The following DNAJC8 variants were observed in gnomAD, a reference collection of about 807,000 sequenced individuals.
DNAJC8 encodes dnaJ homolog subfamily C member 8.
A neutral mutation model predicts 43.2 loss-of-function variants in DNAJC8; 24 were observed. The ratio of observed to expected loss-of-function variants is 0.56; its 90% confidence interval spans 0.40 to 0.78. The LOEUF (loss-of-function observed/expected upper bound fraction) is 0.78. Among genes scored for constraint, DNAJC8 ranks in the 30% least tolerant of loss-of-function variants. DNAJC8 has a pLI of 0.00. For synonymous variants in DNAJC8, 83 were observed against 98.0 expected (o/e 0.85, Z 0.90); for missense variants, 207 against 299.4 (o/e 0.69, Z 2.28).
intron 1 of DNAJC8, among the ~76,000 whole-genome samples, chr1:28,230,496 T>C (rs1328419110): frequency 6.6e-6 from 1 of 152,192 alleles, no homozygotes; most frequent in Non-Finnish European, 1.5e-5. Context: ...GGCAGGAGGA[T>C]CACTTGGGTG....
chr1:28,212,174 T>A (rs1021989472), intron 3 of DNAJC8, among the ~76,000 whole-genome samples: 1,709 of 27,330 alleles, frequency 0.063, 83 homozygotes, highest in African/African-American at 0.16. Context: ...AATAAATATA[T>A]ATATATATAT....
At chr1:28,221,476 G>C (rs1646898024) in intron 2 of DNAJC8, among the ~76,000 whole-genome samples, 1 of 152,146 alleles carries the variant, frequency 6.6e-6, no homozygotes, top group Admixed American at 6.6e-5. Context: ...CCTATAGTGA[G>C]AACAAAGGCT....
chr1:28,220,290 A>G (rs892928633), intron 2 of DNAJC8, among the ~76,000 whole-genome samples: 2 of 152,238 alleles, frequency 1.3e-5, no homozygotes, highest in African/African-American at 4.8e-5. Flanking sequence ...CATGGTGAAG[A>G]CAATGGACTT....
chr1:28,202,585 TTTC>T lies in DNAJC8; in HGVS notation c.639+1159_639+1161del, dbSNP rs1251324395. The stretch of plus-strand genomic sequence containing the variant: ...TGAGCCACCTCACCCGGCCTTTTTT[TTTC>T]TTTTTTTTTTTTTTTTTGAGACGGC... On this transcript the variant is annotated intron_variant, in intron 8 of 8. Coordinates refer to ENST00000263697, the MANE Select transcript of DNAJC8 (RefSeq NM_014280.3). Among the ~76,000 whole-genome samples, 14 of 121,530 alleles carry T rather than the reference TTTC, an allele frequency of 1.2e-4. No individual in the cohort carries two copies. The East Asian group carries it at 2.1e-3, about 19-fold the overall frequency. The allele number at this position is 121,530 out of a possible 152,430, so 79.7% of individuals were successfully genotyped here. A position where few individuals can be genotyped will look rare whatever the true frequency, so the allele number is the denominator to read the frequency against.
intron 6 of DNAJC8, among the ~76,000 whole-genome samples, chr1:28,206,390 T>C (rs972903437): frequency 5.9e-5 from 9 of 151,626 alleles, no homozygotes; most frequent in African/African-American, 2.2e-4. Context: ...ACTTGGATTA[T>C]AGGTATGAGC....
At chr1:28,227,649 G>A (rs908144472) in intron 2 of DNAJC8, among the ~76,000 whole-genome samples, 1 of 152,024 alleles carries the variant, frequency 6.6e-6, no homozygotes, top group Non-Finnish European at 1.5e-5. Context: ...TCATATGCCT[G>A]TAATCCCATC....
In DNAJC8 at chr1:28,220,113, C is replaced by A. The variant is rs1646889008; in HGVS notation, c.181-5117G>T. On this transcript the variant is annotated intron_variant, in intron 2 of 8. Coordinates refer to ENST00000263697, the MANE Select transcript of DNAJC8 (RefSeq NM_014280.3). ...CAACACCTGGAGCTTACTTTCACCA[C>A]ATGATTGGGCAAAAAGGAGGAGAGT... 2.0e-5 allele frequency among the ~76,000 whole-genome samples: 3 copies of A among 152,310 alleles called. No individual in the cohort carries two copies. In the South Asian group the frequency reaches 6.2e-4, roughly 32 times the overall value.
chr1:28,203,611 G>A, intron 8 of DNAJC8, 136 bp downstream of exon 8: 1 of 839,534 alleles, frequency 1.2e-6, no homozygotes, highest in South Asian at 1.5e-5. Flanking sequence ...GGCAGGCCCA[G>A]CCTCATTCTT....
chr1:28,212,495 T>C lies in DNAJC8; in HGVS notation c.238-1858A>G, dbSNP rs1646822013. ...CGGGGTTTCACCATGTTGCCCAGGC[T>C]GGTCACGAACTCCTGAGCTCAAGCA... On this transcript the variant is annotated intron_variant, in intron 3 of 8. Transcript: ENST00000263697. Among the ~76,000 whole-genome samples the C allele has an allele frequency of 2.6e-5, 4 of 151,738 alleles. No individual in the cohort carries two copies. In the South Asian group the frequency reaches 8.3e-4, roughly 32 times the overall value.
At chr1:28,231,625 G>T (rs558028217) in intron 1 of DNAJC8, among the ~76,000 whole-genome samples, 1 of 151,902 alleles carries the variant, frequency 6.6e-6, no homozygotes, top group Non-Finnish European at 1.5e-5. Flanking sequence ...TGAGGCGAGA[G>T]AATCACTTGA....
At chr1:28,229,064 A>C in intron 1 of DNAJC8, 41 bp from the exon 2 acceptor site, 1 of 1,502,774 alleles carries the variant, frequency 6.7e-7, no homozygotes, top group Non-Finnish European at 9.2e-7. Context: ...ATAGAATTCA[A>C]TAACAAACTG....
intron 6 of DNAJC8, 35 bp downstream of exon 6, chr1:28,208,307 A>C: frequency 6.4e-7 from 1 of 1,561,150 alleles, no homozygotes; most frequent in Non-Finnish European, 8.7e-7. Flanking sequence ...ACACAATCAC[A>C]CAAGATACAG....
chr1:28,231,719 G>GA (rs113876916), intron 1 of DNAJC8, among the ~76,000 whole-genome samples: 75 of 143,872 alleles, frequency 5.2e-4, no homozygotes, highest in Admixed American at 9.0e-4. Flanking sequence ...TCCGCCTTAG[G>GA]AAAAAAAAAA....
chr1:28,211,973 T>C (rs1152338), intron 3 of DNAJC8, among the ~76,000 whole-genome samples: 53,070 of 150,404 alleles, frequency 0.35, 10,563 homozygotes, highest in African/African-American at 0.54. Context: ...CTGGCCTACA[T>C]GGTGAAACCC....
rs1646762389 is a variant in DNAJC8 at position 28,205,456 on chromosome 1, C to T, written c.472-107G>A. ...CAAGATAAAGCAGATTAAAACCTGG[C>T]ACAGGCTGTGCACCGTGGCTCACAT... On this transcript the variant is annotated intron_variant, in intron 6 of 8. Transcript: ENST00000263697. The T allele has an allele frequency of 2.2e-5, 17 of 783,758 alleles. No individual in the cohort carries two copies. The Middle Eastern group carries it at 7.0e-4, about 32-fold the overall frequency. The allele number at this position is 783,758 out of a possible 1,614,324, so 48.6% of individuals were successfully genotyped here.
intron 2 of DNAJC8, among the ~76,000 whole-genome samples, chr1:28,217,340 G>A (rs997297793): frequency 6.6e-6 from 1 of 151,948 alleles, no homozygotes; most frequent in African/African-American, 2.4e-5. Context: ...GGTCTCCCTG[G>A]CCAGGCACAG....
chr1:28,204,323 G>C (rs1646755167), intron 7 of DNAJC8, among the ~76,000 whole-genome samples: 1 of 152,210 alleles, frequency 6.6e-6, no homozygotes, highest in Non-Finnish European at 1.5e-5. Flanking sequence ...GCTCATGCCT[G>C]TAACGCCAGC....
chr1:28,200,568 A>G lies in DNAJC8; in HGVS notation c.*680T>C, dbSNP rs1431866540. On this transcript the variant is annotated 3_prime_UTR_variant, in exon 9 of 9. Coordinates refer to ENST00000263697, the MANE Select transcript of DNAJC8 (RefSeq NM_014280.3). ...AGTACATCAATGGCTTGGGTATAAA[A>G]ATTTATTATACATAAAGAATATTAC... 2 of 456,416 alleles carry G rather than the reference A, an allele frequency of 4.4e-6. No individual in the cohort carries two copies. Among genetic ancestry groups the G allele is most frequent in the Non-Finnish European group, 8.8e-6 (2 of 226,820 alleles). 28.3% of individuals were successfully genotyped at this position (456,416 alleles called of 1,614,324 possible). A position where few individuals can be genotyped will look rare whatever the true frequency, so the allele number is the denominator to read the frequency against.
intron 3 of DNAJC8, among the ~76,000 whole-genome samples, chr1:28,211,804 A>G (rs543438950): frequency 5.3e-5 from 8 of 152,202 alleles, no homozygotes; most frequent in African/African-American, 1.9e-4. Flanking sequence ...TTTAGGGGTA[A>G]AGCATCATGG....
Sources: allele counts gnomAD v4.1 joint callset (sites outside exome capture counted in the v4.1 genomes callset), GRCh38; gene constraint gnomAD v4.1.1; transcripts MANE v1.5; gene names NCBI Gene and HGNC (gene_info 2026-07-23, HGNC 2026-07-21).